Variants in FRMPD2 observed in about 807,000 individuals in gnomAD.
FRMPD2 encodes FERM and PDZ domain-containing protein 2.
FRMPD2 carries 96 observed loss-of-function variants against 140.1 expected under a neutral mutation model. That is an observed-to-expected ratio of 0.69 (90% confidence interval 0.58 to 0.81). The LOEUF (loss-of-function observed/expected upper bound fraction) is 0.81. Among genes scored for constraint, FRMPD2 ranks in the 40% least tolerant of loss-of-function variants. The probability of loss-of-function intolerance (pLI) is 0.00; values close to 1 mark genes in which losing one functional copy is unlikely to be tolerated. For missense variants in FRMPD2, 1,240 were observed against 1,447.4 expected, an observed-to-expected ratio of 0.86 and a Z score of 2.32; for synonymous variants, 449 against 547.6, an observed-to-expected ratio of 0.82 and a Z score of 2.52.
intron 5 of FRMPD2, 43 bp downstream of exon 5, chr10:48,242,118 A>C (rs753336631): frequency 7.2e-7 from 1 of 1,395,730 alleles, no homozygotes; most frequent in Admixed American, 2.2e-5. Context: ...ATAGCCACAC[A>C]TGACCAGCAG....
intron 2 of FRMPD2, among the ~76,000 whole-genome samples, chr10:48,250,464 G>A (rs571826741): frequency 4.9e-4 from 74 of 152,006 alleles, no homozygotes; most frequent in African/African-American, 1.7e-3. Context: ...GCAATAGCGC[G>A]ATCTCAGCTC....
chr10:48,192,611 CT>C, intron 16 of FRMPD2, 72 bp downstream of exon 16: 1 of 1,321,234 alleles, frequency 7.6e-7, no homozygotes, highest in East Asian at 2.3e-5. Context: ...TAAAATAAAT[CT>C]TCAGTACAGA....
chr10:48,183,591 C>A (rs1838600833), intron 20 of FRMPD2, among the ~76,000 whole-genome samples: 1 of 152,094 alleles, frequency 6.6e-6, no homozygotes, highest in South Asian at 2.1e-4. Flanking sequence ...TGGCTCATGC[C>A]TGTAATCCCA....
In FRMPD2 at chr10:48,239,651, G is replaced by A. The variant is rs746448079; in HGVS notation, c.742C>T (p.His248Tyr). 31 of 1,613,974 alleles carry A rather than the reference G, an allele frequency of 1.9e-5. No homozygotes were observed. In the South Asian group the frequency reaches 3.2e-4, roughly 17 times the overall value. Reference protein sequence around the residue: ...STETQSSPEPHWSTLTHSHCS... With the variant: ...STETQSSPEPYWSTLTHSHCS... ...TGACTGTGTGTCAAGGTGCTCCAATGGGGCTCTGGTGAGCTCTGGGTCTCC... is the reference window on the plus strand; with the variant it reads ...TGACTGTGTGTCAAGGTGCTCCAATAGGGCTCTGGTGAGCTCTGGGTCTCC... Residue 248 changes from histidine to tyrosine, a missense_variant, in exon 7 of 29, where the codon CAT becomes TAT. This residue lies in a region of FRMPD2 where 1,161 missense variants were observed against 1,055.9 expected (regional missense o/e 1.10). Coordinates refer to ENST00000374201, the MANE Select transcript of FRMPD2 (RefSeq NM_001018071.4).
intron 1 of FRMPD2, among the ~76,000 whole-genome samples, chr10:48,267,631 A>G (rs1840700819): frequency 6.6e-6 from 1 of 152,238 alleles, no homozygotes; most frequent in Admixed American, 6.5e-5. Flanking sequence ...TAACAAAAAC[A>G]CCAACAATCC....
intron 15 of FRMPD2, among the ~76,000 whole-genome samples, chr10:48,200,731 C>T (rs371991059): frequency 1.5e-4 from 23 of 152,334 alleles, no homozygotes; most frequent in African/African-American, 5.3e-4. Context: ...CTATCATGTA[C>T]AGTTTCACAT....
At chr10:48,247,695 G>C (rs1840282493) in intron 3 of FRMPD2, among the ~76,000 whole-genome samples, 1 of 152,226 alleles carries the variant, frequency 6.6e-6, no homozygotes, top group Admixed American at 6.5e-5. Context: ...TGCATTCTCA[G>C]GTTGCATTGG....
intron 27 of FRMPD2, 72 bp from the exon 28 acceptor site, chr10:48,163,743 TC>T: frequency 3.8e-6 from 3 of 786,664 alleles, no homozygotes; most frequent in South Asian, 2.8e-5. Flanking sequence ...AAAGCTTTTT[TC>T]CCCCATGTGA....
chr10:48,272,175 G>A (rs1840780581), intron 1 of FRMPD2, among the ~76,000 whole-genome samples: 1 of 150,136 alleles, frequency 6.7e-6, no homozygotes. Context: ...TTCATCCCCA[G>A]AGAGAAGGAA....
intron 1 of FRMPD2, among the ~76,000 whole-genome samples, chr10:48,264,735 C>T (rs1289390171): frequency 1.3e-5 from 2 of 152,092 alleles, no homozygotes; most frequent in South Asian, 2.1e-4. Flanking sequence ...ATTCTCAACT[C>T]GGTCTGTAGA....
chr10:48,156,683 G>C lies in FRMPD2; in HGVS notation c.*639C>G, dbSNP rs1449802234. On this transcript the variant is annotated 3_prime_UTR_variant, in exon 29 of 29. Transcript: ENST00000374201. ...CCGAGCTCAGGAGACCGGGGGGATG[G>C]GGGGGCTTGCCAGAGGGCACAGCAT... 2 of 151,372 alleles carry C rather than the reference G, an allele frequency of 1.3e-5. No individual in the cohort carries two copies. Among genetic ancestry groups the C allele is most frequent in the Admixed American group, 6.3e-5 (1 of 15,852 alleles). 9.4% of individuals were successfully genotyped at this position (151,372 alleles called of 1,614,324 possible). A position where few individuals can be genotyped will look rare whatever the true frequency, so the allele number is the denominator to read the frequency against.
intron 25 of FRMPD2, 51 bp downstream of exon 25, chr10:48,172,895 G>A (rs150951140): frequency 0.22 from 159,831 of 718,818 alleles, 31,614 homozygotes; most frequent in Non-Finnish European, 0.25. Context: ...CAATTCAAAA[G>A]CGGCACACAA....
At chr10:48,176,686 A>C (rs570662317) in intron 22 of FRMPD2, among the ~76,000 whole-genome samples, 1,643 of 152,196 alleles carry the variant, frequency 0.011, 15 homozygotes, top group African/African-American at 0.038. Flanking sequence ...GAATAACCCA[A>C]AATTTAGTCA....
intron 28 of FRMPD2, among the ~76,000 whole-genome samples, chr10:48,161,844 T>C (rs1361107477): frequency 4.0e-5 from 6 of 151,416 alleles, no homozygotes; most frequent in African/African-American, 1.5e-4. Context: ...TGACTGCCTA[T>C]ACTAATAGTT....
intron 5 of FRMPD2, 38 bp downstream of exon 5, chr10:48,242,123 C>A (rs1477068279): frequency 1.3e-5 from 18 of 1,429,048 alleles, no homozygotes; most frequent in South Asian, 1.4e-5. Context: ...CACACATGAC[C>A]AGCAGCTACT....
chr10:48,236,392 G>T, intron 9 of FRMPD2, 90 bp downstream of exon 9: 1 of 1,067,576 alleles, frequency 9.4e-7, no homozygotes, highest in East Asian at 2.4e-5. Flanking sequence ...GTGTTCCCAT[G>T]TGAGACCCCA....
chr10:48,189,273 T>C (rs566626670), intron 16 of FRMPD2, among the ~76,000 whole-genome samples: 58 of 152,298 alleles, frequency 3.8e-4, no homozygotes, highest in African/African-American at 1.3e-3. Flanking sequence ...CAGAGGGTAC[T>C]GCCCTAACTG....
At chr10:48,215,341 C>T (rs1004481163) in intron 12 of FRMPD2, among the ~76,000 whole-genome samples, 1 of 152,202 alleles carries the variant, frequency 6.6e-6, no homozygotes, top group South Asian at 2.1e-4. Context: ...AGGGGCTCTC[C>T]TCTCTGAGGC....
intron 14 of FRMPD2, among the ~76,000 whole-genome samples, chr10:48,205,886 G>A (rs1839187692): frequency 1.3e-5 from 2 of 152,132 alleles, no homozygotes; most frequent in Admixed American, 1.3e-4. Context: ...ATGAATGAAA[G>A]CAATTATGTT....
Sources: allele counts gnomAD v4.1 joint callset (sites outside exome capture counted in the v4.1 genomes callset), GRCh38; gene constraint gnomAD v4.1.1; regional missense constraint gnomAD v4.1.1; transcripts MANE v1.5; gene names NCBI Gene and HGNC (gene_info 2026-07-23, HGNC 2026-07-21).